The following CAPN13 variants were observed in gnomAD, a reference collection of about 807,000 sequenced individuals.
The protein encoded by CAPN13 is calpain 13.
A neutral mutation model predicts 98.4 loss-of-function variants in CAPN13; 90 were observed. That is an observed-to-expected ratio of 0.92 (90% CI 0.77 to 1.09). CAPN13 has a LOEUF of 1.09. Ranked by LOEUF, CAPN13 falls within the 50% of genes least tolerant of loss-of-function variation. The pLI, the probability that CAPN13 is intolerant of heterozygous loss-of-function variation, is 0.00. For synonymous variants in CAPN13, 330 were observed against 305.5 expected, an observed-to-expected ratio of 1.08 and a Z score of -0.84; for missense variants, 887 against 841.3, an observed-to-expected ratio of 1.05 and a Z score of -0.67.
intron 1 of CAPN13, among the ~76,000 whole-genome samples, chr2:30,794,943 T>C (rs2148094271): frequency 6.6e-6 from 1 of 150,484 alleles, no homozygotes; most frequent in East Asian, 1.9e-4. Context: ...TCATCTTGAG[T>C]GTCATGATGA....
At chr2:30,777,276 A>G (rs1673748813) in intron 3 of CAPN13, among the ~76,000 whole-genome samples, 1 of 152,202 alleles carries the variant, frequency 6.6e-6, no homozygotes, top group Non-Finnish European at 1.5e-5. Context: ...CATTAAGCAA[A>G]TTATTTTACC....
rs79722875 is a variant in CAPN13, at chr2:30,798,543, T to C, written c.-33+8759A>G. Among the ~76,000 whole-genome samples, 1,077 of 152,332 alleles carry C rather than the reference T, an allele frequency of 7.1e-3. 16 individuals carry two copies. Among genetic ancestry groups the C allele is most frequent in the African/African-American group, 0.024 (1,009 of 41,568 alleles). On this transcript the variant is annotated intron_variant, in intron 1 of 22. Transcript: ENST00000295055. ...CCCTGTCCGCAGGATGCTCCTAGCA[T>C]ATCCCAGCAACAAAGGGTAATTTTG...
chr2:30,749,914 T>G (rs1672090285), intron 11 of CAPN13, among the ~76,000 whole-genome samples: 1 of 152,140 alleles, frequency 6.6e-6, no homozygotes, highest in African/African-American at 2.4e-5. Flanking sequence ...TTCTTTTAAA[T>G]GATATTTAAA....
chr2:30,799,934 T>C (rs576812924), intron 1 of CAPN13, among the ~76,000 whole-genome samples: 77 of 151,574 alleles, frequency 5.1e-4, no homozygotes, highest in Middle Eastern at 3.4e-3. Flanking sequence ...ATTAGCCAGG[T>C]GTGGTGGCAG....
chr2:30,751,310 G>C, intron 10 of CAPN13, 59 bp from the exon 11 acceptor site: 3 of 1,584,426 alleles, frequency 1.9e-6, no homozygotes, highest in African/African-American at 2.7e-5. Flanking sequence ...CCTGGGCAGG[G>C]CCATGTCCAG....
chr2:30,752,969 C>A (rs979240982), intron 10 of CAPN13, 84 bp downstream of exon 10: 1 of 1,459,040 alleles, frequency 6.9e-7, no homozygotes. Context: ...GAATCAAGGA[C>A]CAGAGAGAGC....
chr2:30,806,557 CA>C (rs1456661974), intron 1 of CAPN13, among the ~76,000 whole-genome samples: 1 of 152,176 alleles, frequency 6.6e-6, no homozygotes, highest in Non-Finnish European at 1.5e-5. Flanking sequence ...ACAAATGGGA[CA>C]GTCAGTAGTT....
intron 2 of CAPN13, among the ~76,000 whole-genome samples, chr2:30,781,264 C>T (rs1174649446): frequency 1.3e-5 from 2 of 152,196 alleles, no homozygotes; most frequent in Non-Finnish European, 2.9e-5. Flanking sequence ...TTCACTCTGA[C>T]CACACCAGCA....
intron 2 of CAPN13, among the ~76,000 whole-genome samples, chr2:30,782,570 T>C (rs1674040681): frequency 6.6e-6 from 1 of 152,194 alleles, no homozygotes; most frequent in South Asian, 2.1e-4. Flanking sequence ...GTGAGTCGTT[T>C]CTAGTGAATG....
rs751535484 is a variant in CAPN13, at chr2:30,767,972, C to T, written c.524+2341G>A. Among the ~76,000 whole-genome samples, 142 of 152,332 alleles carry T rather than the reference C, an allele frequency of 9.3e-4. 1 individual carries two copies. Among genetic ancestry groups the T allele is most frequent in the Non-Finnish European group, 1.2e-3 (81 of 68,032 alleles). On this transcript the variant is annotated intron_variant, in intron 5 of 22. Coordinates refer to ENST00000295055, the MANE Select transcript of CAPN13 (RefSeq NM_144575.3). ...TGCCATCTCATCACAAATGGAGACT[C>T]ATCTCTGAAGAAGAGATGATCTTCA...
chr2:30,787,216 T>C lies in CAPN13; in HGVS notation c.110A>G (p.Asp37Gly), dbSNP rs1674335194. 14 of 1,609,396 alleles carry C rather than the reference T, an allele frequency of 8.7e-6. No homozygotes were observed. The highest frequency in any genetic ancestry group is 1.2e-5 in the Non-Finnish European group (14 of 1,178,104). Residue 37 changes from aspartate (D) to glycine (G), a missense_variant, in exon 2 of 23, where the codon GAT becomes GGT. Physicochemically the swap from Asp to Gly is moderately conservative, Grantham distance 94. Coordinates refer to ENST00000295055, the MANE Select transcript of CAPN13 (RefSeq NM_144575.3). ...HCLSMGRTFKDETFPAADSSI... is the reference protein window; with the variant it reads ...HCLSMGRTFKGETFPAADSSI... Reference sequence around the variant, plus strand: ...AGAATCTGCTGCAGGGAATGTCTCATCCTTAAACGTCCGGCCCATGCTCAG... The same window carrying C: ...AGAATCTGCTGCAGGGAATGTCTCACCCTTAAACGTCCGGCCCATGCTCAG...
chr2:30,798,768 C>CA (rs1005713064), intron 1 of CAPN13, among the ~76,000 whole-genome samples: 33 of 152,126 alleles, frequency 2.2e-4, no homozygotes, highest in African/African-American at 7.7e-4. Context: ...AAACCCTGCA[C>CA]GAGGAGCAAT....
At position 30,722,842 on chromosome 2, in the gene CAPN13, A is replaced by T. The variant is rs576308309; in HGVS notation, c.*425T>A. The T allele has an allele frequency of 6.6e-6, 1 of 152,346 alleles. No individual in the cohort carries two copies. The highest frequency in any genetic ancestry group is 2.1e-4 in the South Asian group (1 of 4,832). The allele number at this position is 152,346 out of a possible 1,614,324, so 9.4% of individuals were successfully genotyped here. A position where few individuals can be genotyped will look rare whatever the true frequency, so the allele number is the denominator to read the frequency against. On this transcript the variant is annotated 3_prime_UTR_variant, in exon 23 of 23. Coordinates refer to ENST00000295055, the MANE Select transcript of CAPN13 (RefSeq NM_144575.3). ...CAGGATCCAGACATAAGATAGTGTA[A>T]TTATTCTGCAAACACCCAGTGGACA...
intron 1 of CAPN13, among the ~76,000 whole-genome samples, chr2:30,796,163 T>C (rs1201391076): frequency 1.4e-5 from 2 of 146,660 alleles, no homozygotes; most frequent in Non-Finnish European, 3.0e-5. Context: ...TATATACATA[T>C]ATATGTGTGT....
chr2:30,789,858 G>T (rs1239946490), intron 1 of CAPN13, among the ~76,000 whole-genome samples: 1 of 152,226 alleles, frequency 6.6e-6, no homozygotes, highest in Non-Finnish European at 1.5e-5. Context: ...GACAGGCTAG[G>T]CTCAGAGGGG....
intron 1 of CAPN13, among the ~76,000 whole-genome samples, chr2:30,789,727 TG>T (rs1674507902): frequency 6.6e-6 from 1 of 152,256 alleles, no homozygotes; most frequent in Non-Finnish European, 1.5e-5. Context: ...GCACAGTGAC[TG>T]GTAAGTACAA....
chr2:30,805,694 A>G (rs1357419535), intron 1 of CAPN13, among the ~76,000 whole-genome samples: 2 of 151,126 alleles, frequency 1.3e-5, no homozygotes. Context: ...ACCATATGGA[A>G]GCATCAAGCA....
intron 2 of CAPN13, among the ~76,000 whole-genome samples, chr2:30,777,926 A>G (rs1673786026): frequency 6.6e-6 from 1 of 152,254 alleles, no homozygotes; most frequent in African/African-American, 2.4e-5. Flanking sequence ...TAGCCATTCC[A>G]TCTCGACAAG....
chr2:30,782,381 G>A (rs1313942057), intron 2 of CAPN13, among the ~76,000 whole-genome samples: 1 of 152,184 alleles, frequency 6.6e-6, no homozygotes, highest in African/African-American at 2.4e-5. Context: ...TTTGCTAGAG[G>A]ACTTAGATTT....
Sources: gnomAD v4.1 joint callset for allele counts (sites outside exome capture counted in the v4.1 genomes callset) on GRCh38, gnomAD v4.1.1 for gene constraint, MANE v1.5 for transcripts, NCBI Gene and HGNC (gene_info 2026-07-23, HGNC 2026-07-21) for gene names.